Variants in WDR70 observed in about 807,000 individuals in gnomAD.
WDR70 encodes WD repeat domain 70.
A neutral mutation model predicts 88.6 loss-of-function variants in WDR70; 53 were observed. The observed-to-expected ratio is 0.60, with a 90% CI of 0.48 to 0.75. The LOEUF is 0.75. WDR70 is among the 30% of genes least tolerant of loss of function. The probability of loss-of-function intolerance (pLI) is 0.00; values close to 1 mark genes in which losing one functional copy is unlikely to be tolerated. For synonymous variants in WDR70, 280 were observed against 270.0 expected, an observed-to-expected ratio of 1.04 and a Z score of -0.36; for missense variants, 610 against 823.2, an observed-to-expected ratio of 0.74 and a Z score of 3.17.
intron 5 of WDR70, among the ~76,000 whole-genome samples, chr5:37,432,785 T>C (rs939318134): frequency 1.3e-5 from 2 of 151,934 alleles, no homozygotes; most frequent in Non-Finnish European, 2.9e-5. Context: ...GGTCTTGATC[T>C]CCTGACCTTC....
intron 7 of WDR70, among the ~76,000 whole-genome samples, chr5:37,451,001 C>T (rs1462738281): frequency 3.3e-5 from 5 of 152,056 alleles, no homozygotes; most frequent in South Asian, 4.2e-4. Context: ...TGGGTTTAAG[C>T]GATTCTCCTG....
At chr5:37,601,323 T>C (rs1458113155) in intron 9 of WDR70, among the ~76,000 whole-genome samples, 1 of 152,246 alleles carries the variant, frequency 6.6e-6, no homozygotes, top group African/African-American at 2.4e-5. Flanking sequence ...GGTAATCATA[T>C]TTATTGGTTT....
rs148198075 is a variant in WDR70 at position 37,583,787 on chromosome 5, A to G, written c.918-21277A>G. On this transcript the variant is annotated intron_variant, in intron 9 of 17. Transcript: ENST00000265107. ...AGAGAAAGGACTTCATTTCTTTAAC[A>G]TACATCACATTAGCAAGACTTTCAG... Among the ~76,000 whole-genome samples the G allele has an allele frequency of 4.9e-4, 74 of 152,358 alleles. 1 individual carries two copies. The Middle Eastern group carries it at 0.014, about 28-fold the overall frequency.
intron 10 of WDR70, among the ~76,000 whole-genome samples, chr5:37,652,321 A>G (rs1034142223): frequency 5.3e-5 from 8 of 152,208 alleles, no homozygotes; most frequent in Non-Finnish European, 2.9e-5. Flanking sequence ...TACCAGCACC[A>G]TGCTCTTTTG....
intron 9 of WDR70, among the ~76,000 whole-genome samples, chr5:37,604,168 T>C (rs142854515): frequency 3.7e-3 from 567 of 152,358 alleles, no homozygotes; most frequent in Middle Eastern, 6.8e-3. Context: ...CCTATGTCTT[T>C]TAATGCTTAT....
chr5:37,747,875 A>G (rs966675542), intron 17 of WDR70, among the ~76,000 whole-genome samples: 1 of 152,148 alleles, frequency 6.6e-6, no homozygotes, highest in Admixed American at 6.5e-5. Context: ...TCATGAATGA[A>G]CTCCCATTCA....
At chr5:37,632,009 G>A (rs1744832680) in intron 10 of WDR70, among the ~76,000 whole-genome samples, 8 of 152,172 alleles carry the variant, frequency 5.3e-5, no homozygotes, top group Admixed American at 4.6e-4. Flanking sequence ...CGGAATACAA[G>A]TTGGAGAGGT....
At chr5:37,615,213 T>C (rs1744301428) in intron 10 of WDR70, among the ~76,000 whole-genome samples, 1 of 152,016 alleles carries the variant, frequency 6.6e-6, no homozygotes, top group Non-Finnish European at 1.5e-5. Context: ...AGTATTTGAC[T>C]AGAAAGTTCT....
chr5:37,430,368 T>C (rs1343020649), intron 5 of WDR70, among the ~76,000 whole-genome samples: 1 of 152,168 alleles, frequency 6.6e-6, no homozygotes, highest in Non-Finnish European at 1.5e-5. Context: ...TGGTTTGTGG[T>C]TTTAGAATCA....
chr5:37,728,384 A>T (rs1748052337), intron 17 of WDR70, among the ~76,000 whole-genome samples: 1 of 151,710 alleles, frequency 6.6e-6, no homozygotes, highest in South Asian at 2.1e-4. Context: ...AAACAAACTA[A>T]AACTATAGAC....
chr5:37,743,393 T>A (rs1748542836), intron 17 of WDR70, among the ~76,000 whole-genome samples: 1 of 152,236 alleles, frequency 6.6e-6, no homozygotes, highest in African/African-American at 2.4e-5. Flanking sequence ...TCAGCTGGAA[T>A]CTGCTTAAGC....
chr5:37,728,512 C>T (rs72743190), intron 17 of WDR70, among the ~76,000 whole-genome samples: 4,739 of 152,140 alleles, frequency 0.031, 99 homozygotes, highest in Middle Eastern at 0.11. Flanking sequence ...GATTTTGATG[C>T]TTTTAATGAA....
chr5:37,647,858 G>T (rs1367301255), intron 10 of WDR70, among the ~76,000 whole-genome samples: 1 of 152,234 alleles, frequency 6.6e-6, no homozygotes, highest in African/African-American at 2.4e-5. Context: ...AGCCAGTACA[G>T]CATTGAGTGT....
chr5:37,592,351 A>G (rs1328204872), intron 9 of WDR70, among the ~76,000 whole-genome samples: 1 of 152,232 alleles, frequency 6.6e-6, no homozygotes, highest in Non-Finnish European at 1.5e-5. Flanking sequence ...GAGTTTTGGC[A>G]TCATCATCAT....
chr5:37,703,977 C>G (rs1025798754), intron 13 of WDR70, among the ~76,000 whole-genome samples: 6 of 152,134 alleles, frequency 3.9e-5, no homozygotes, highest in Non-Finnish European at 8.8e-5. Flanking sequence ...TTACGTGACT[C>G]AGACAATTGA....
At chr5:37,618,154 C>T (rs1459751381) in intron 10 of WDR70, among the ~76,000 whole-genome samples, 3 of 151,970 alleles carry the variant, frequency 2.0e-5, no homozygotes, top group Non-Finnish European at 4.4e-5. Context: ...AATCATGAAC[C>T]AAAAACTTCA....
chr5:37,630,837 G>A (rs1433675746), intron 10 of WDR70, among the ~76,000 whole-genome samples: 1 of 152,182 alleles, frequency 6.6e-6, no homozygotes, highest in East Asian at 1.9e-4. Context: ...GCACTCTGCT[G>A]CAGTAGCTTG....
chr5:37,689,015 G>A (rs563334057), intron 10 of WDR70, among the ~76,000 whole-genome samples: 22 of 152,346 alleles, frequency 1.4e-4, no homozygotes, highest in Middle Eastern at 3.4e-3. Flanking sequence ...CTTAGCAACC[G>A]GCAGATAAGT....
chr5:37,400,595 C>T (rs1043476858), intron 5 of WDR70, among the ~76,000 whole-genome samples: 21 of 152,178 alleles, frequency 1.4e-4, no homozygotes, highest in African/African-American at 4.6e-4. Context: ...TGGTCGTCTA[C>T]AAGCCAGGAA....
Sources: gnomAD v4.1 joint callset for allele counts (sites outside exome capture counted in the v4.1 genomes callset) on GRCh38, gnomAD v4.1.1 for gene constraint, MANE v1.5 for transcripts, NCBI Gene and HGNC (gene_info 2026-07-23, HGNC 2026-07-21) for gene names.